Variants in CADM2 observed in about 807,000 individuals in gnomAD.
The protein encoded by CADM2 is cell adhesion molecule 2.
In CADM2, 12 loss-of-function variants were observed where a neutral mutation model predicts 49.8. That is an observed-to-expected ratio of 0.24 (90% CI 0.15 to 0.39). CADM2 has a LOEUF of 0.39. CADM2 is among the 10% of genes least tolerant of loss of function. The probability of loss-of-function intolerance (pLI) is 1.00; values close to 1 mark genes in which losing one functional copy is unlikely to be tolerated. For synonymous variants in CADM2, 214 were observed against 175.4 expected, an observed-to-expected ratio of 1.22 and a Z score of -1.74; for missense variants, 378 against 492.3, an observed-to-expected ratio of 0.77 and a Z score of 2.20.
chr3:85,527,492 T>C (rs2061189666), intron 1 of CADM2, among the ~76,000 whole-genome samples: 1 of 150,618 alleles, frequency 6.6e-6, no homozygotes, highest in South Asian at 2.1e-4. Context: ...CATTTCTGAA[T>C]AAGTGAAATT....
intron 2 of CADM2, among the ~76,000 whole-genome samples, chr3:85,798,033 T>C (rs2071732927): frequency 6.6e-6 from 1 of 152,220 alleles, no homozygotes; most frequent in African/African-American, 2.4e-5. Context: ...TTTTTTTTCA[T>C]ATGTTTATTG....
chr3:85,289,812 A>G (rs2043732076), intron 1 of CADM2, among the ~76,000 whole-genome samples: 1 of 152,236 alleles, frequency 6.6e-6, no homozygotes, highest in Non-Finnish European at 1.5e-5. Flanking sequence ...AAATAAATTT[A>G]CTTGTATTAA....
chr3:86,062,603 C>A (rs189380250), intron 8 of CADM2, among the ~76,000 whole-genome samples: 1 of 151,722 alleles, frequency 6.6e-6, no homozygotes, highest in Non-Finnish European at 1.5e-5. Context: ...CATGGTGAAA[C>A]CCTGTCTCTA....
chr3:85,696,933 C>A (rs1017441599), intron 1 of CADM2, among the ~76,000 whole-genome samples: 1 of 151,656 alleles, frequency 6.6e-6, no homozygotes, highest in African/African-American at 2.4e-5. Context: ...TATAGTGTTT[C>A]ATCTTTAGAA....
intron 1 of CADM2, among the ~76,000 whole-genome samples, chr3:85,527,686 CAT>C (rs1455195247): frequency 6.6e-6 from 1 of 151,886 alleles, no homozygotes; most frequent in African/African-American, 2.4e-5. Flanking sequence ...GTTTTTATAA[CAT>C]AACATGAATT....
intron 1 of CADM2, among the ~76,000 whole-genome samples, chr3:85,091,416 G>A (rs530714774): frequency 8.3e-4 from 126 of 152,152 alleles, no homozygotes; most frequent in African/African-American, 2.8e-3. Flanking sequence ...TTAAACATAC[G>A]AAGTATAATA....
chr3:85,182,818 T>C (rs1268394057), intron 1 of CADM2, among the ~76,000 whole-genome samples: 1 of 152,128 alleles, frequency 6.6e-6, no homozygotes. Context: ...TTTCCAATTC[T>C]CTGTATATTT....
At chr3:85,023,879 A>G (rs1323706845) in intron 1 of CADM2, among the ~76,000 whole-genome samples, 1 of 152,040 alleles carries the variant, frequency 6.6e-6, no homozygotes, top group Non-Finnish European at 1.5e-5. Context: ...GAATATTTTT[A>G]CTATCAGAAC....
At chr3:85,285,803 T>G (rs1020583053) in intron 1 of CADM2, among the ~76,000 whole-genome samples, 23 of 151,564 alleles carry the variant, frequency 1.5e-4, no homozygotes, top group African/African-American at 5.5e-4. Context: ...AATATATTTC[T>G]AAAATATTAA....
rs931110799 is a variant in CADM2 at position 86,036,199 on chromosome 3, C to T, written c.971-29406C>T. Among the ~76,000 whole-genome samples, 32 of 152,158 alleles carry T rather than the reference C, an allele frequency of 2.1e-4. No individual in the cohort carries two copies. The East Asian group carries it at 3.9e-3, about 18-fold the overall frequency. On this transcript the variant is annotated intron_variant, in intron 8 of 9. Coordinates refer to ENST00000383699, the MANE Select transcript of CADM2 (RefSeq NM_001167675.2). Reference sequence around the variant, plus strand: ...CCTTAATATATTAAGTCTATGCCCACAGGAGAACTTATTTGTCACACATTC... The same window carrying T: ...CCTTAATATATTAAGTCTATGCCCATAGGAGAACTTATTTGTCACACATTC...
At chr3:85,497,135 T>A (rs527961559) in intron 1 of CADM2, among the ~76,000 whole-genome samples, 1 of 152,294 alleles carries the variant, frequency 6.6e-6, no homozygotes, top group Middle Eastern at 3.4e-3. Flanking sequence ...TGAGTATGTC[T>A]TCTTTTGAGA....
intron 1 of CADM2, among the ~76,000 whole-genome samples, chr3:85,666,367 C>T (rs1026597594): frequency 2.6e-5 from 4 of 151,830 alleles, no homozygotes; most frequent in African/African-American, 7.3e-5. Flanking sequence ...ACATTCAGCC[C>T]CAATATCTCT....
At chr3:84,982,930 G>T (rs554339921) in intron 1 of CADM2, among the ~76,000 whole-genome samples, 1 of 148,336 alleles carries the variant, frequency 6.7e-6, no homozygotes, top group Admixed American at 6.6e-5. Context: ...TGTATTTTTA[G>T]TAGAGATGGG....
rs1450456527 is a variant in CADM2 at position 85,746,728 on chromosome 3, A to G, written c.88+20180A>G. Among the ~76,000 whole-genome samples the G allele has an allele frequency of 2.0e-5, 3 of 152,086 alleles. No individual in the cohort carries two copies. The East Asian group carries it at 5.8e-4, about 29-fold the overall frequency. ...TCTCAGGAATCCCTCTGAACCATCT[A>G]GAGCTCACATTGTCTTCCCGTGACT... On this transcript the variant is annotated intron_variant, in intron 2 of 9. Coordinates refer to ENST00000383699, the MANE Select transcript of CADM2 (RefSeq NM_001167675.2).
intron 1 of CADM2, among the ~76,000 whole-genome samples, chr3:85,502,954 A>C (rs1388743565): frequency 6.6e-6 from 1 of 151,696 alleles, no homozygotes; most frequent in Admixed American, 6.6e-5. Context: ...GTAAAAGAAA[A>C]ATTGTAAAAG....
chr3:85,544,141 AC>A (rs1173672856), intron 1 of CADM2, among the ~76,000 whole-genome samples: 1 of 152,240 alleles, frequency 6.6e-6, no homozygotes, highest in Non-Finnish European at 1.5e-5. Flanking sequence ...AAATAATGAC[AC>A]CTTGTTTTGA....
At chr3:84,978,850 T>TA (rs1416415470) in intron 1 of CADM2, among the ~76,000 whole-genome samples, 1 of 152,214 alleles carries the variant, frequency 6.6e-6, no homozygotes, top group Non-Finnish European at 1.5e-5. Flanking sequence ...GATGTAACTT[T>TA]AAAAATCACT....
chr3:85,933,500 G>C (rs1720848321), intron 6 of CADM2, among the ~76,000 whole-genome samples: 1 of 152,030 alleles, frequency 6.6e-6, no homozygotes, highest in Admixed American at 6.6e-5. Context: ...ACAGCCTCAG[G>C]GTCTCTTTGT....
chr3:85,096,103 T>A (rs1480873256), intron 1 of CADM2, among the ~76,000 whole-genome samples: 2 of 152,298 alleles, frequency 1.3e-5, no homozygotes, highest in East Asian at 3.8e-4. Flanking sequence ...TAGGCTGTTT[T>A]AAATATGTCT....
Sources: allele counts gnomAD v4.1 joint callset (sites outside exome capture counted in the v4.1 genomes callset), GRCh38; gene constraint gnomAD v4.1.1; transcripts MANE v1.5; gene names NCBI Gene and HGNC (gene_info 2026-07-23, HGNC 2026-07-21).